Variants in TBC1D14 observed in about 807,000 individuals in gnomAD.
TBC1D14 encodes TBC1 domain family, member 14.
A neutral mutation model predicts 79.0 loss-of-function variants in TBC1D14; 26 were observed. The ratio of observed to expected loss-of-function variants is 0.33; its 90% confidence interval spans 0.24 to 0.46. The LOEUF is 0.46. TBC1D14 is among the 20% of genes least tolerant of loss of function. The probability of loss-of-function intolerance (pLI) is 1.00; values close to 1 mark genes in which losing one functional copy is unlikely to be tolerated. For missense variants in TBC1D14, 769 were observed against 887.6 expected, an observed-to-expected ratio of 0.87 and a Z score of 1.70; for synonymous variants, 394 against 349.9, an observed-to-expected ratio of 1.13 and a Z score of -1.40.
At chr4:7,028,477 A>T (rs575552634) in intron 13 of TBC1D14, among the ~76,000 whole-genome samples, 25 of 149,574 alleles carry the variant, frequency 1.7e-4, no homozygotes, top group African/African-American at 6.2e-4. Context: ...CCCAGGCTGG[A>T]GTGCAGTGGC....
chr4:7,000,023 G>A (rs572147737), intron 6 of TBC1D14, among the ~76,000 whole-genome samples: 91 of 152,306 alleles, frequency 6.0e-4, no homozygotes, highest in African/African-American at 1.9e-3. Context: ...TTCTGCTCTC[G>A]TCCCACATGT....
chr4:6,957,571 C>G (rs1714760157), intron 2 of TBC1D14, among the ~76,000 whole-genome samples: 1 of 152,216 alleles, frequency 6.6e-6, no homozygotes, highest in Non-Finnish European at 1.5e-5. Flanking sequence ...CTCCTCTGGT[C>G]TTGCCAGGAG....
At chr4:6,964,215 C>T (rs1007197396) in intron 2 of TBC1D14, among the ~76,000 whole-genome samples, 1 of 152,180 alleles carries the variant, frequency 6.6e-6, no homozygotes, top group Non-Finnish European at 1.5e-5. Flanking sequence ...TCCTGCCAGC[C>T]CGTTTCAGTG....
chr4:6,977,981 G>T (rs1477992462), intron 3 of TBC1D14, among the ~76,000 whole-genome samples: 1 of 151,588 alleles, frequency 6.6e-6, no homozygotes, highest in Non-Finnish European at 1.5e-5. Flanking sequence ...CCCCGTCTGA[G>T]AAGTGAGGAG....
intron 2 of TBC1D14, among the ~76,000 whole-genome samples, chr4:6,965,291 G>A (rs185240654): frequency 9.9e-4 from 151 of 152,232 alleles, no homozygotes; most frequent in African/African-American, 3.4e-3. Flanking sequence ...CCGAGTAGCT[G>A]GGATTACAGG....
intron 2 of TBC1D14, among the ~76,000 whole-genome samples, chr4:6,960,003 C>T (rs940229532): frequency 1.3e-5 from 2 of 151,610 alleles, no homozygotes; most frequent in African/African-American, 4.8e-5. Context: ...TTTCCATCAG[C>T]AACACGTTTG....
chr4:6,924,742 G>T (rs1724150685), intron 2 of TBC1D14, among the ~76,000 whole-genome samples: 1 of 152,196 alleles, frequency 6.6e-6, no homozygotes, highest in South Asian at 2.1e-4. Context: ...AAGCCCTGGG[G>T]GGGCCGCGCC....
chr4:7,004,726 T>C (rs1720004429), intron 7 of TBC1D14, 118 bp from the exon 8 acceptor site: 2 of 813,004 alleles, frequency 2.5e-6, no homozygotes, highest in Non-Finnish European at 4.0e-6. Context: ...CTGTTAAGTA[T>C]GCATTAAGCC....
chr4:7,018,915 G>A (rs1319807006), intron 12 of TBC1D14, among the ~76,000 whole-genome samples: 1 of 152,166 alleles, frequency 6.6e-6, no homozygotes, highest in Non-Finnish European at 1.5e-5. Flanking sequence ...AAATAATCTT[G>A]AGCTAACAAA....
At chr4:7,024,684 A>G (rs1722166682) in intron 12 of TBC1D14, among the ~76,000 whole-genome samples, 1 of 152,234 alleles carries the variant, frequency 6.6e-6, no homozygotes, top group Admixed American at 6.5e-5. Context: ...CGCGGCGTAC[A>G]GCGGCCCCTA....
chr4:6,967,197 G>T, intron 2 of TBC1D14, 107 bp from the exon 3 acceptor site: 2 of 1,378,476 alleles, frequency 1.5e-6, no homozygotes, highest in Admixed American at 2.1e-5. Flanking sequence ...ATTAAAGTAC[G>T]TGGTTCTCAG....
At position 7,022,463 on chromosome 4, in the gene TBC1D14, G is replaced by A. The variant is rs931967307; in HGVS notation, c.1758-2541G>A. Among the ~76,000 whole-genome samples the A allele has an allele frequency of 2.6e-5, 4 of 152,234 alleles. No individual in the cohort carries two copies. In the East Asian group the frequency reaches 5.8e-4, roughly 22 times the overall value. On this transcript the variant is annotated intron_variant, in intron 12 of 13. Coordinates refer to ENST00000409757, the MANE Select transcript of TBC1D14 (RefSeq NM_020773.3). ...TGAAGGAGGGTGCGTGCAGTGCAGC[G>A]TGAACATTTCAAGGAAACTTGGTCC...
At chr4:7,017,980 C>A (rs976045213) in intron 12 of TBC1D14, among the ~76,000 whole-genome samples, 2 of 152,148 alleles carry the variant, frequency 1.3e-5, no homozygotes, top group African/African-American at 4.8e-5. Context: ...TTACATAAGA[C>A]CTGTCCTAGA....
chr4:6,943,948 A>G (rs1327440850), intron 2 of TBC1D14, among the ~76,000 whole-genome samples: 1 of 152,228 alleles, frequency 6.6e-6, no homozygotes, highest in Non-Finnish European at 1.5e-5. Context: ...TCGGTCTCCC[A>G]TATGGGGTCA....
At chr4:6,933,941 G>A (rs939633557) in intron 2 of TBC1D14, among the ~76,000 whole-genome samples, 6 of 152,190 alleles carry the variant, frequency 3.9e-5, no homozygotes, top group Non-Finnish European at 7.3e-5. Flanking sequence ...ATGGATGTGG[G>A]TGTGGAGAAA....
At chr4:6,996,472 T>C (rs1719054030) in intron 5 of TBC1D14, 65 bp downstream of exon 5, 2 of 1,288,782 alleles carry the variant, frequency 1.6e-6, no homozygotes, top group African/African-American at 3.0e-5. Flanking sequence ...TCTGGTTATT[T>C]TCTTTTTACC....
intron 1 of TBC1D14, among the ~76,000 whole-genome samples, chr4:6,914,744 A>G (rs534967261): frequency 6.6e-6 from 1 of 152,312 alleles, no homozygotes; most frequent in African/African-American, 2.4e-5. Context: ...GACTTGAATT[A>G]AAAAAGAGAA....
At chr4:6,934,445 A>G (rs934251429) in intron 2 of TBC1D14, among the ~76,000 whole-genome samples, 3 of 151,844 alleles carry the variant, frequency 2.0e-5, no homozygotes, top group African/African-American at 7.3e-5. Context: ...GACCGAGGCA[A>G]GTCAGGAGTT....
chr4:6,983,324 A>G (rs1248176486), intron 3 of TBC1D14, among the ~76,000 whole-genome samples: 1 of 152,108 alleles, frequency 6.6e-6, no homozygotes, highest in African/African-American at 2.4e-5. Context: ...AAAATTGTTG[A>G]GGAAATTTGG....
Sources: gnomAD v4.1 joint callset for allele counts (sites outside exome capture counted in the v4.1 genomes callset) on GRCh38, gnomAD v4.1.1 for gene constraint, MANE v1.5 for transcripts, NCBI Gene and HGNC (gene_info 2026-07-23, HGNC 2026-07-21) for gene names.